Variants in BBS9 observed in about 807,000 individuals in gnomAD.
BBS9 encodes protein PTHB1.
In BBS9, 89 loss-of-function variants were observed where a neutral mutation model predicts 117.7. The ratio of observed to expected loss-of-function variants is 0.76; its 90% CI spans 0.64 to 0.90. The LOEUF (loss-of-function observed/expected upper bound fraction) is 0.90, where lower values mean the gene tolerates loss of function less well. Ranked by LOEUF, BBS9 falls within the 40% of genes least tolerant of loss-of-function variation. The probability of loss-of-function intolerance (pLI) is 0.00; values close to 1 mark genes in which losing one functional copy is unlikely to be tolerated. For missense variants in BBS9, 982 were observed against 1,042.2 expected, an observed-to-expected ratio of 0.94 and a Z score of 0.80; for synonymous variants, 379 against 370.9, an observed-to-expected ratio of 1.02 and a Z score of -0.25.
chr7:33,545,619 C>T (rs1853186702), intron 21 of BBS9, among the ~76,000 whole-genome samples: 1 of 152,094 alleles, frequency 6.6e-6, no homozygotes, highest in Non-Finnish European at 1.5e-5. Flanking sequence ...TTTGTTCTTG[C>T]AGGCGATCTG....
At chr7:33,522,269 G>A (rs550036104) in intron 20 of BBS9, among the ~76,000 whole-genome samples, 2 of 152,150 alleles carry the variant, frequency 1.3e-5, no homozygotes, top group African/African-American at 4.8e-5. Flanking sequence ...CCCAGTAATC[G>A]GATTGTTGGG....
At position 33,546,094 on chromosome 7, in the gene BBS9, T is replaced by C. The variant is rs530161246; in HGVS notation, c.2521+11918T>C. Among the ~76,000 whole-genome samples, 864 of 151,894 alleles carry C rather than the reference T, an allele frequency of 5.7e-3. 8 individuals carry two copies. The highest frequency in any genetic ancestry group is 0.01 in the Middle Eastern group (3 of 294). On this transcript the variant is annotated intron_variant, in intron 21 of 22. Transcript: ENST00000242067. ...GACTACAGGCGCCTGCCACCGCGCC[T>C]GGCTAATTTTTTGTATTTTTAGTAG...
At chr7:33,199,216 G>A (rs1015669255) in intron 5 of BBS9, among the ~76,000 whole-genome samples, 1 of 151,786 alleles carries the variant, frequency 6.6e-6, no homozygotes, top group African/African-American at 2.4e-5. Flanking sequence ...TTGTTTTGAT[G>A]TCAATATTTA....
At chr7:33,292,328 A>C (rs1804230832) in intron 9 of BBS9, among the ~76,000 whole-genome samples, 1 of 152,024 alleles carries the variant, frequency 6.6e-6, no homozygotes, top group African/African-American at 2.4e-5. Flanking sequence ...CCCAGGCTCA[A>C]GTGATCCTCC....
chr7:33,400,545 C>T (rs375007683), intron 19 of BBS9, among the ~76,000 whole-genome samples: 1 of 152,106 alleles, frequency 6.6e-6, no homozygotes, highest in Non-Finnish European at 1.5e-5. Flanking sequence ...ACAATCCTCC[C>T]GTCCACCTTC....
chr7:33,490,702 T>C (rs188065743), intron 19 of BBS9, among the ~76,000 whole-genome samples: 37 of 152,340 alleles, frequency 2.4e-4, no homozygotes, highest in Non-Finnish European at 4.9e-4. Flanking sequence ...TAAACATATA[T>C]TTTATTTTTT....
chr7:33,260,043 A>G (rs1221877023), intron 6 of BBS9, among the ~76,000 whole-genome samples: 6 of 144,372 alleles, frequency 4.2e-5, no homozygotes. Flanking sequence ...TCTGTCGCCC[A>G]GGCTGGAGTG....
intron 7 of BBS9, among the ~76,000 whole-genome samples, chr7:33,271,138 G>T (rs895674138): frequency 6.6e-6 from 1 of 152,104 alleles, no homozygotes; most frequent in African/African-American, 2.4e-5. Context: ...GAGAAATAAG[G>T]ATCTTTTCAG....
intron 21 of BBS9, among the ~76,000 whole-genome samples, chr7:33,618,820 A>C (rs982610319): frequency 1.3e-5 from 2 of 152,148 alleles, no homozygotes; most frequent in Admixed American, 1.3e-4. Context: ...CATAAGCCTC[A>C]TGGTAACCAC....
chr7:33,253,023 C>A (rs893750081), intron 5 of BBS9, among the ~76,000 whole-genome samples: 1 of 152,098 alleles, frequency 6.6e-6, no homozygotes, highest in Admixed American at 6.6e-5. Flanking sequence ...ATAAATACGT[C>A]AGCACACATC....
chr7:33,436,009 C>T (rs781330431), intron 19 of BBS9, among the ~76,000 whole-genome samples: 1 of 152,094 alleles, frequency 6.6e-6, no homozygotes, highest in Non-Finnish European at 1.5e-5. Context: ...TAGCAGCCTT[C>T]CCCAATTCTT....
At chr7:33,248,124 T>G (rs1172908800) in intron 5 of BBS9, among the ~76,000 whole-genome samples, 1 of 152,204 alleles carries the variant, frequency 6.6e-6, no homozygotes, top group South Asian at 2.1e-4. Context: ...TATTTTCTTG[T>G]ATCTTAAAGC....
At chr7:33,314,372 A>G in intron 9 of BBS9, 1 of 368,648 alleles carries the variant, frequency 2.7e-6, no homozygotes, top group Non-Finnish European at 5.3e-6. Flanking sequence ...GCATTTATAC[A>G]TTCAAAGCTC....
intron 1 of BBS9, among the ~76,000 whole-genome samples, chr7:33,145,774 G>C (rs866535926): frequency 1.1e-4 from 16 of 152,142 alleles, no homozygotes; most frequent in Non-Finnish European, 2.1e-4. Context: ...TATATAATAA[G>C]GGACTTGAGC....
At chr7:33,174,775 A>G (rs914659642) in intron 4 of BBS9, among the ~76,000 whole-genome samples, 3 of 152,208 alleles carry the variant, frequency 2.0e-5, no homozygotes, top group African/African-American at 7.2e-5. Flanking sequence ...TTAGGGATAA[A>G]CCAGGTGACT....
intron 4 of BBS9, among the ~76,000 whole-genome samples, chr7:33,166,625 C>T (rs1472617993): frequency 3.3e-5 from 5 of 152,246 alleles, no homozygotes; most frequent in African/African-American, 1.2e-4. Flanking sequence ...GACTGCTGCG[C>T]TAGTAGTGAG....
chr7:33,348,951 AT>A, intron 12 of BBS9, 116 bp from the exon 13 acceptor site: 4 of 731,560 alleles, frequency 5.5e-6, no homozygotes, highest in Non-Finnish European at 9.5e-6. Flanking sequence ...GTGACTACTC[AT>A]TTTTTCCTCA....
chr7:33,479,417 C>T (rs1428710010), intron 19 of BBS9, among the ~76,000 whole-genome samples: 1 of 152,172 alleles, frequency 6.6e-6, no homozygotes, highest in Non-Finnish European at 1.5e-5. Flanking sequence ...TAGCTACATC[C>T]ATGTTGCTGC....
At chr7:33,164,591 T>C (rs1191381109) in intron 4 of BBS9, among the ~76,000 whole-genome samples, 1 of 152,204 alleles carries the variant, frequency 6.6e-6, no homozygotes, top group Non-Finnish European at 1.5e-5. Context: ...GTAATGGCCT[T>C]CTTTGTCTCT....
Sources: gnomAD v4.1 joint callset for allele counts (sites outside exome capture counted in the v4.1 genomes callset) on GRCh38, gnomAD v4.1.1 for gene constraint, MANE v1.5 for transcripts, NCBI Gene and HGNC (gene_info 2026-07-23, HGNC 2026-07-21) for gene names.